Variants in CNTN4 observed in about 807,000 individuals in gnomAD.
CNTN4 encodes the protein contactin-4.
In CNTN4, 77 loss-of-function variants were observed where a neutral mutation model predicts 122.5. The ratio of observed to expected loss-of-function variants is 0.63; its 90% confidence interval spans 0.52 to 0.76. The LOEUF is 0.76. Ranked by LOEUF, CNTN4 falls within the 30% of genes least tolerant of loss-of-function variation. CNTN4 has a pLI of 0.00. For synonymous variants in CNTN4, 512 were observed against 447.0 expected, an observed-to-expected ratio of 1.15 and a Z score of -1.83; for missense variants, 1,256 against 1,259.1, an observed-to-expected ratio of 1.00 and a Z score of 0.04.
chr3:2,921,075 T>C (rs1449294887), intron 12 of CNTN4, among the ~76,000 whole-genome samples: 1 of 152,220 alleles, frequency 6.6e-6, no homozygotes, highest in African/African-American at 2.4e-5. Flanking sequence ...GGTCTCACCG[T>C]CACCAAAGCT....
In CNTN4 at chr3:2,522,572, C is replaced by T. The variant is rs370961412; in HGVS notation, c.-88-48844C>T. Among the ~76,000 whole-genome samples, 7 of 152,118 alleles carry T rather than the reference C, an allele frequency of 4.6e-5. 1 individual carries two copies. The highest frequency in any genetic ancestry group is 4.1e-4 in the South Asian group (2 of 4,824). Reference sequence around the variant, plus strand: ...CTTACTGGCTATTAATAATAAGAAACGCACTATTTCAATGACCGAAGAGTG... The same window carrying T: ...CTTACTGGCTATTAATAATAAGAAATGCACTATTTCAATGACCGAAGAGTG... On this transcript the variant is annotated intron_variant, in intron 3 of 24. Transcript: ENST00000418658.
At chr3:2,350,525 C>G (rs1362957040) in intron 3 of CNTN4, among the ~76,000 whole-genome samples, 1 of 151,920 alleles carries the variant, frequency 6.6e-6, no homozygotes, top group African/African-American at 2.4e-5. Flanking sequence ...GTAAAGTGCT[C>G]TGTACTAGTG....
At chr3:2,211,590 G>A (rs2038620257) in intron 2 of CNTN4, among the ~76,000 whole-genome samples, 1 of 152,118 alleles carries the variant, frequency 6.6e-6, no homozygotes, top group Admixed American at 6.5e-5. Flanking sequence ...AAACCTGTAT[G>A]ATAACACAGA....
chr3:2,818,116 G>T (rs2092780748), intron 6 of CNTN4, among the ~76,000 whole-genome samples: 1 of 152,164 alleles, frequency 6.6e-6, no homozygotes, highest in Non-Finnish European at 1.5e-5. Flanking sequence ...GCCTGCTTGA[G>T]CCCCAACAGG....
chr3:2,115,977 T>G (rs966277751), intron 2 of CNTN4, among the ~76,000 whole-genome samples: 1 of 152,230 alleles, frequency 6.6e-6, no homozygotes, highest in Admixed American at 6.5e-5. Flanking sequence ...CCATGAGTCT[T>G]GGTATTTATG....
intron 3 of CNTN4, among the ~76,000 whole-genome samples, chr3:2,533,331 T>G (rs1401276955): frequency 1.3e-5 from 2 of 151,964 alleles, no homozygotes; most frequent in Admixed American, 6.6e-5. Context: ...CCTTTTCCCG[T>G]GTCCAAGTGT....
At position 3,053,897 on chromosome 3, in the gene CNTN4, T is replaced by A; in HGVS notation, c.2902T>A (p.Tyr968Asn). The change falls in exon 24 of 25, where the codon TAT becomes AAT. Residue 968 changes from tyrosine (Y) to asparagine (N), a missense_variant. Tyr to Asn is a moderately radical substitution (Grantham distance 143, BLOSUM62 -2). Transcript: ENST00000418658. ...VELSLPFDED[Y>N]IIEIKPFSDG... ...GCTTTCTTTGCCTTTCGATGAAGATTATATAATAGAAATTAAGCCATTCAG... is the reference window on the plus strand; with the variant it reads ...GCTTTCTTTGCCTTTCGATGAAGATAATATAATAGAAATTAAGCCATTCAG... 6.2e-7 allele frequency: 1 copy of A among 1,614,164 alleles called. No homozygotes were observed. Among genetic ancestry groups the A allele is most frequent in the Non-Finnish European group, 8.5e-7 (1 of 1,180,000 alleles).
chr3:2,337,240 G>A (rs1427736303), intron 2 of CNTN4, among the ~76,000 whole-genome samples: 1 of 152,062 alleles, frequency 6.6e-6, no homozygotes, highest in African/African-American at 2.4e-5. Flanking sequence ...AGTTCTTTTG[G>A]CCAGGATTCC....
At chr3:2,930,356 G>A (rs367957640) in intron 13 of CNTN4, among the ~76,000 whole-genome samples, 34 of 152,020 alleles carry the variant, frequency 2.2e-4, no homozygotes, top group African/African-American at 8.0e-4. Flanking sequence ...GATTAGTAAG[G>A]CAAGCAAGTG....
chr3:2,898,360 CTG>C (rs2094137620), intron 10 of CNTN4, among the ~76,000 whole-genome samples: 2 of 152,186 alleles, frequency 1.3e-5, no homozygotes, highest in African/African-American at 4.8e-5. Flanking sequence ...CCCACAGACA[CTG>C]AATTTTTTGT....
chr3:2,366,009 C>G (rs568592495), intron 3 of CNTN4, among the ~76,000 whole-genome samples: 157 of 152,224 alleles, frequency 1.0e-3, no homozygotes, highest in African/African-American at 3.6e-3. Context: ...TTTATTTATC[C>G]TTTGGGGGTG....
intron 4 of CNTN4, among the ~76,000 whole-genome samples, chr3:2,595,484 G>A (rs2080725257): frequency 6.6e-6 from 1 of 152,176 alleles, no homozygotes; most frequent in Non-Finnish European, 1.5e-5. Flanking sequence ...AGGTGTGGCA[G>A]GACCTGGCTG....
chr3:2,241,256 T>A (rs1403053357), intron 2 of CNTN4, among the ~76,000 whole-genome samples: 1 of 152,256 alleles, frequency 6.6e-6, no homozygotes, highest in Non-Finnish European at 1.5e-5. Context: ...GTAGATATCA[T>A]AATTACTGTA....
chr3:2,609,584 C>A (rs886629650), intron 4 of CNTN4, among the ~76,000 whole-genome samples: 8 of 152,166 alleles, frequency 5.3e-5, no homozygotes, highest in African/African-American at 1.9e-4. Context: ...GCATTATGTT[C>A]AGTAGGATAG....
At chr3:2,526,845 C>A (rs538805637) in intron 3 of CNTN4, among the ~76,000 whole-genome samples, 1 of 152,198 alleles carries the variant, frequency 6.6e-6, no homozygotes, top group African/African-American at 2.4e-5. Flanking sequence ...CATAGTCTTA[C>A]AAGTTTACTG....
intron 6 of CNTN4, among the ~76,000 whole-genome samples, chr3:2,818,245 C>G (rs74373578): frequency 0.092 from 14,043 of 152,258 alleles, 698 homozygotes; most frequent in Middle Eastern, 0.12. Context: ...TAAAATGTCC[C>G]TAATTCCAGA....
At chr3:2,869,204 T>C (rs946655647) in intron 8 of CNTN4, among the ~76,000 whole-genome samples, 1 of 152,224 alleles carries the variant, frequency 6.6e-6, no homozygotes, top group African/African-American at 2.4e-5. Flanking sequence ...GAGTGATTTA[T>C]GTTTTTAAGA....
intron 2 of CNTN4, among the ~76,000 whole-genome samples, chr3:2,303,923 G>A (rs184289916): frequency 5.3e-5 from 8 of 152,264 alleles, no homozygotes; most frequent in Non-Finnish European, 5.9e-5. Flanking sequence ...TGTGTAAACG[G>A]TATATTTTGT....
Position 2,559,656 on chromosome 3 carries a change from G to A in CNTN4, c.-88-11760G>A, listed in dbSNP as rs2078866002. ...TTTGGGTGCAAAAGACAAGAAAATGGAGGTGAGGCTCTCATAAATAGTGTG... is the reference window on the plus strand; with the variant it reads ...TTTGGGTGCAAAAGACAAGAAAATGAAGGTGAGGCTCTCATAAATAGTGTG... On this transcript the variant is annotated intron_variant, in intron 3 of 24. Transcript: ENST00000418658. Among the ~76,000 whole-genome samples, 3 of 152,158 alleles carry A rather than the reference G, an allele frequency of 2.0e-5. No individual in the cohort carries two copies. In the South Asian group the frequency reaches 6.2e-4, roughly 32 times the overall value.
Sources: allele counts gnomAD v4.1 joint callset (sites outside exome capture counted in the v4.1 genomes callset), GRCh38; gene constraint gnomAD v4.1.1; transcripts MANE v1.5; gene names NCBI Gene and HGNC (gene_info 2026-07-23, HGNC 2026-07-21).